Variants in ROBO1 observed in about 807,000 individuals in gnomAD.
The protein encoded by ROBO1 is roundabout guidance receptor 1, also known as roundabout homolog 1.
A neutral mutation model predicts 195.9 loss-of-function variants in ROBO1; 149 were observed. That is an observed-to-expected ratio of 0.76 (90% CI 0.67 to 0.87). The LOEUF (loss-of-function observed/expected upper bound fraction) is 0.87, where lower values mean the gene tolerates loss of function less well. Among genes scored for constraint, ROBO1 ranks in the 40% least tolerant of loss-of-function variants. The pLI is 0.00. For missense variants in ROBO1, 1,933 were observed against 2,068.3 expected, an observed-to-expected ratio of 0.93 and a Z score of 1.27; for synonymous variants, 816 against 733.2, an observed-to-expected ratio of 1.11 and a Z score of -1.82.
intron 3 of ROBO1, among the ~76,000 whole-genome samples, chr3:79,113,386 G>T (rs540815470): frequency 1.2e-4 from 17 of 146,202 alleles, no homozygotes; most frequent in African/African-American, 3.7e-4. Context: ...ATTGAGTGAG[G>T]TTTTTTTTTT....
intron 2 of ROBO1, among the ~76,000 whole-genome samples, chr3:79,382,518 A>G (rs1575752957): frequency 6.6e-6 from 1 of 152,280 alleles, no homozygotes; most frequent in Admixed American, 6.5e-5. Context: ...TAATTAATTT[A>G]AATAATTTTC....
At chr3:79,476,991 G>A (rs1406532266) in intron 2 of ROBO1, among the ~76,000 whole-genome samples, 1 of 152,036 alleles carries the variant, frequency 6.6e-6, no homozygotes, top group Non-Finnish European at 1.5e-5. Flanking sequence ...TCTATGTTAT[G>A]TAAATATGTG....
chr3:79,575,254 TATATAA>T (rs1411956352), intron 2 of ROBO1, among the ~76,000 whole-genome samples: 10 of 125,698 alleles, frequency 8.0e-5, no homozygotes, highest in East Asian at 2.1e-4. Flanking sequence ...ATAACAAATA[TATATAA>T]ATATATATAA....
At chr3:78,917,285 T>C (rs1275295164) in intron 4 of ROBO1, among the ~76,000 whole-genome samples, 2 of 151,922 alleles carry the variant, frequency 1.3e-5, no homozygotes, top group Non-Finnish European at 2.9e-5. Flanking sequence ...GTAGTAGAGA[T>C]GGGGTTTCAC....
intron 4 of ROBO1, among the ~76,000 whole-genome samples, chr3:78,816,375 G>A (rs1482416938): frequency 6.9e-6 from 1 of 145,800 alleles, no homozygotes; most frequent in South Asian, 2.3e-4. Context: ...TGAGAACTCT[G>A]ATGGAGAAGT....
chr3:79,193,337 A>G (rs2081574075), intron 2 of ROBO1, among the ~76,000 whole-genome samples: 1 of 151,620 alleles, frequency 6.6e-6, no homozygotes, highest in African/African-American at 2.4e-5. Context: ...ATCACCATCT[A>G]AAACAATTTA....
chr3:79,674,836 G>T (rs5850442), intron 1 of ROBO1, among the ~76,000 whole-genome samples: 2,406 of 36,956 alleles, frequency 0.065, 33 homozygotes, highest in African/African-American at 0.13. Context: ...CCGTGTGTGT[G>T]TGTGTGTGTG....
chr3:79,010,007 T>C lies in ROBO1; in HGVS notation c.173-71080A>G, dbSNP rs62257531. Among the ~76,000 whole-genome samples the C allele has an allele frequency of 6.7e-3, 1,027 of 152,270 alleles. 10 individuals carry two copies. The highest frequency in any genetic ancestry group is 9.3e-3 in the Non-Finnish European group (635 of 68,022). ...AAACCATGTTATGGGGCTGGACTTA[T>C]GTTTCTGTGTTGTAGAGTGTGTAAA... On this transcript the variant is annotated intron_variant, in intron 3 of 30. Transcript: ENST00000464233.
At chr3:79,434,763 C>T (rs574288254) in intron 2 of ROBO1, among the ~76,000 whole-genome samples, 3 of 152,158 alleles carry the variant, frequency 2.0e-5, no homozygotes, top group East Asian at 1.9e-4. Flanking sequence ...CACATGCACA[C>T]GTATGTTTAT....
At chr3:78,661,290 A>G (rs746272202) in intron 15 of ROBO1, 29 bp from the exon 16 acceptor site, 2 of 1,296,658 alleles carry the variant, frequency 1.5e-6, no homozygotes, top group African/African-American at 1.5e-5. Flanking sequence ...AAATGTAATT[A>G]TTCATATTAT....
In ROBO1 at chr3:79,321,196, T is replaced by G. The variant is rs924376504; in HGVS notation, c.89-195657A>C. Among the ~76,000 whole-genome samples the G allele has an allele frequency of 2.0e-5, 3 of 152,268 alleles. No individual in the cohort carries two copies. In the East Asian group the frequency reaches 5.8e-4, roughly 29 times the overall value. ...GAATAAATGCAGCTTTTTTTTTTCTTGAGTTCAGATGTGTCAAAAATTGTA... is the reference window on the plus strand; with the variant it reads ...GAATAAATGCAGCTTTTTTTTTTCTGGAGTTCAGATGTGTCAAAAATTGTA... On this transcript the variant is annotated intron_variant, in intron 2 of 30. Transcript: ENST00000464233.
intron 4 of ROBO1, among the ~76,000 whole-genome samples, chr3:78,892,196 C>T (rs1314229406): frequency 1.3e-5 from 2 of 152,094 alleles, no homozygotes; most frequent in Admixed American, 1.3e-4. Flanking sequence ...CCTGTCTCTA[C>T]AAAAAATACA....
intron 4 of ROBO1, among the ~76,000 whole-genome samples, chr3:78,777,944 C>T (rs1307306958): frequency 1.3e-5 from 2 of 152,132 alleles, no homozygotes; most frequent in East Asian, 3.9e-4. Flanking sequence ...CAGCTTTTGT[C>T]CATTCACTAT....
chr3:79,513,936 T>C (rs548042068), intron 2 of ROBO1, among the ~76,000 whole-genome samples: 5 of 152,366 alleles, frequency 3.3e-5, no homozygotes, highest in South Asian at 2.1e-4. Flanking sequence ...ATAATGTTGG[T>C]ATAACACAAT....
intron 2 of ROBO1, among the ~76,000 whole-genome samples, chr3:79,446,822 GCA>G (rs999833870): frequency 1.3e-5 from 2 of 151,934 alleles, no homozygotes; most frequent in Non-Finnish European, 2.9e-5. Flanking sequence ...GTTTTAAAAT[GCA>G]CACTTTATTT....
intron 4 of ROBO1, among the ~76,000 whole-genome samples, chr3:78,750,399 G>A (rs754281506): frequency 5.3e-5 from 8 of 150,828 alleles, no homozygotes; most frequent in Admixed American, 2.6e-4. Context: ...CTTGCAGTGA[G>A]CCAAGATCAC....
chr3:79,420,328 TTGCA>T (rs1410716411), intron 2 of ROBO1, among the ~76,000 whole-genome samples: 1 of 152,164 alleles, frequency 6.6e-6, no homozygotes, highest in Admixed American at 6.6e-5. Flanking sequence ...CTAGAGAATC[TTGCA>T]TCCATGTTAG....
At chr3:79,399,542 A>G (rs1481270212) in intron 2 of ROBO1, among the ~76,000 whole-genome samples, 1 of 152,182 alleles carries the variant, frequency 6.6e-6, no homozygotes, top group African/African-American at 2.4e-5. Flanking sequence ...ATGGATACAT[A>G]TATACTGATT....
intron 2 of ROBO1, among the ~76,000 whole-genome samples, chr3:79,383,905 ACAT>A (rs2036650966): frequency 6.6e-6 from 1 of 152,050 alleles, no homozygotes; most frequent in South Asian, 2.1e-4. Flanking sequence ...CCTTTGTAAA[ACAT>A]CATATTATAC....
Sources: gnomAD v4.1 joint callset for allele counts (sites outside exome capture counted in the v4.1 genomes callset) on GRCh38, gnomAD v4.1.1 for gene constraint, MANE v1.5 for transcripts, NCBI Gene and HGNC (gene_info 2026-07-23, HGNC 2026-07-21) for gene names.